The following CFAP52 variants were observed in gnomAD, a reference collection of about 807,000 sequenced individuals.
The protein encoded by CFAP52 is cilia and flagella associated protein 52.
In CFAP52, 57 loss-of-function variants were observed where a neutral mutation model predicts 70.5. The observed-to-expected ratio is 0.81, with a 90% CI of 0.65 to 1.01. The LOEUF (loss-of-function observed/expected upper bound fraction) is 1.01, where lower values mean the gene tolerates loss of function less well. Ranked by LOEUF, CFAP52 falls within the 50% of genes least tolerant of loss-of-function variation. CFAP52 has a pLI of 0.00. For synonymous variants in CFAP52, 267 were observed against 292.5 expected (o/e 0.91, Z 0.89); for missense variants, 785 against 788.5 (o/e 1.00, Z 0.05).
At position 9,585,711 on chromosome 17, in the gene CFAP52, A is replaced by G. The variant is rs140087416; in HGVS notation, c.71-62A>G. ...CACAAAGTGTTGTGTTTTGTACTCAAGTAGAAAATTCCTGGCCACTTCTGC... is the reference window on the plus strand; with the variant it reads ...CACAAAGTGTTGTGTTTTGTACTCAGGTAGAAAATTCCTGGCCACTTCTGC... On this transcript the variant is annotated intron_variant, in intron 1 of 13. Coordinates refer to ENST00000352665, the MANE Select transcript of CFAP52 (RefSeq NM_145054.5). The G allele has an allele frequency of 1.3e-3, 2,034 of 1,517,904 alleles. 28 individuals are homozygous for G. The African/African-American group carries it at 0.025, about 19-fold the overall frequency. The allele number at this position is 1,517,904 out of a possible 1,614,324, so 94.0% of individuals were successfully genotyped here. A position where few individuals can be genotyped will look rare whatever the true frequency, so the allele number is the denominator to read the frequency against.
At chr17:9,623,644 C>T (rs1910129510) in intron 8 of CFAP52, among the ~76,000 whole-genome samples, 2 of 151,808 alleles carry the variant, frequency 1.3e-5, no homozygotes, top group African/African-American at 4.9e-5. Flanking sequence ...TACCTTTCCC[C>T]TCTCTAAAGA....
chr17:9,632,638 G>A (rs961227173), intron 9 of CFAP52, among the ~76,000 whole-genome samples: 13 of 148,274 alleles, frequency 8.8e-5, no homozygotes, highest in Admixed American at 4.0e-4. Flanking sequence ...TTGGATGTTG[G>A]ATTGGGTTGG....
rs962975835 is a variant in CFAP52 at position 9,628,203 on chromosome 17, C to T, written c.1026-469C>T. ...CAGATGATTAGAGGGCATTAAATACCGTTTACACAAGATGTTTCAAATGGT... is the reference window on the plus strand; with the variant it reads ...CAGATGATTAGAGGGCATTAAATACTGTTTACACAAGATGTTTCAAATGGT... On this transcript the variant is annotated intron_variant, in intron 8 of 13. Coordinates refer to ENST00000352665, the MANE Select transcript of CFAP52 (RefSeq NM_145054.5). 3.9e-5 allele frequency among the ~76,000 whole-genome samples: 6 copies of T among 152,002 alleles called. 1 individual carries two copies. Among genetic ancestry groups the T allele is most frequent in the Admixed American group, 2.0e-4 (3 of 15,256 alleles).
At chr17:9,634,984 A>T (rs1910709434) in intron 10 of CFAP52, among the ~76,000 whole-genome samples, 1 of 152,214 alleles carries the variant, frequency 6.6e-6, no homozygotes, top group East Asian at 1.9e-4. Context: ...ATCAAAATTG[A>T]ACAGCTGATT....
At chr17:9,579,937 G>A (rs1054548077) in intron 1 of CFAP52, among the ~76,000 whole-genome samples, 11 of 152,082 alleles carry the variant, frequency 7.2e-5, no homozygotes, top group African/African-American at 2.7e-4. Flanking sequence ...ATTGCATTTT[G>A]GCAGGAATTA....
In CFAP52 at chr17:9,584,504, A is replaced by C. The variant is rs896482110; in HGVS notation, c.71-1269A>C. The C allele has an allele frequency of 1.5e-5, 7 of 462,508 alleles. No individual in the cohort carries two copies. In the East Asian group the frequency reaches 7.0e-4, roughly 46 times the overall value. 28.7% of individuals were successfully genotyped at this position (462,508 alleles called of 1,614,324 possible). A position where few individuals can be genotyped will look rare whatever the true frequency, so the allele number is the denominator to read the frequency against. ...GTGTTGATAGACATATACATTGTGAAATGATGTCTACGATCAAACTAATTA... is the reference window on the plus strand; with the variant it reads ...GTGTTGATAGACATATACATTGTGACATGATGTCTACGATCAAACTAATTA... On this transcript the variant is annotated intron_variant, in intron 1 of 13. Coordinates refer to ENST00000352665, the MANE Select transcript of CFAP52 (RefSeq NM_145054.5).
chr17:9,578,581 G>A (rs748843341), intron 1 of CFAP52, among the ~76,000 whole-genome samples: 1 of 152,128 alleles, frequency 6.6e-6, no homozygotes. Context: ...TTGAGACGGT[G>A]GAGTCTCGCT....
At chr17:9,631,770 T>C (rs1017118051) in intron 9 of CFAP52, among the ~76,000 whole-genome samples, 7 of 133,778 alleles carry the variant, frequency 5.2e-5, no homozygotes, top group Non-Finnish European at 1.6e-5. Context: ...TTTTGGAAAG[T>C]TTTTTTTTTT....
At chr17:9,640,953 G>A (rs111478468) in intron 12 of CFAP52, among the ~76,000 whole-genome samples, 3 of 152,082 alleles carry the variant, frequency 2.0e-5, no homozygotes, top group Admixed American at 6.6e-5. Context: ...TGGCCGTATC[G>A]CATTTTCTTT....
chr17:9,582,207 C>T (rs1037956838), intron 1 of CFAP52, among the ~76,000 whole-genome samples: 1 of 152,188 alleles, frequency 6.6e-6, no homozygotes, highest in South Asian at 2.1e-4. Context: ...TGTGCGCATT[C>T]AAGCATCATC....
rs980690486 is a variant in CFAP52 at position 9,596,785 on chromosome 17, G to A, written c.537-1449G>A. On this transcript the variant is annotated intron_variant, in intron 4 of 13. Transcript: ENST00000352665. Reference sequence around the variant, plus strand: ...GGCTGTAGTGCAGTGGCACGATCTCGGCTCACTGCAACCTCCACCTCCCAG... The same window carrying A: ...GGCTGTAGTGCAGTGGCACGATCTCAGCTCACTGCAACCTCCACCTCCCAG... Among the ~76,000 whole-genome samples, 7 of 150,926 alleles carry A rather than the reference G, an allele frequency of 4.6e-5. No individual in the cohort carries two copies. The South Asian group carries it at 1.1e-3, about 23-fold the overall frequency.
intron 12 of CFAP52, among the ~76,000 whole-genome samples, chr17:9,641,478 T>G (rs575271132): frequency 6.6e-6 from 1 of 152,362 alleles, no homozygotes; most frequent in African/African-American, 2.4e-5. Context: ...AAGCCCTTTC[T>G]GTCTTAATCC....
At chr17:9,584,410 AT>A (rs1908356731) in intron 1 of CFAP52, 1 of 1,260,308 alleles carries the variant, frequency 7.9e-7, no homozygotes, top group African/African-American at 1.6e-5. Context: ...TAAAAAAATT[AT>A]TTTCCTGGTT....
chr17:9,579,631 G>A (rs187351706), intron 1 of CFAP52, among the ~76,000 whole-genome samples: 289 of 152,282 alleles, frequency 1.9e-3, no homozygotes, highest in South Asian at 7.0e-3. Flanking sequence ...GCAGTGGTGC[G>A]ATCTCAGCTC....
chr17:9,639,113 T>A (rs911508030), intron 12 of CFAP52: 1 of 178,750 alleles, frequency 5.6e-6, no homozygotes. Context: ...CTCTCAGCAC[T>A]GTACTTCATC....
Position 9,585,901 on chromosome 17 carries a change from G to A in CFAP52, c.199G>A (p.Val67Ile), listed in dbSNP as rs201479202. The change falls in exon 2 of 14, where the codon GTC (valine) becomes ATC (isoleucine). Residue 67 changes from valine to isoleucine, a missense_variant. Transcript: ENST00000352665. Reference protein sequence around the residue: ...QNFLQGHGNNVSCLAISRSGE... With the variant: ...QNFLQGHGNNISCLAISRSGE... ...CTTCCTACAGGGTCATGGCAACAAC[G>A]TCTCCTGCTTGGCCATCTCCAGGTC... 2.4e-5 allele frequency: 38 copies of A among 1,613,748 alleles called. No individual in the cohort carries two copies. The East Asian group carries it at 2.9e-4, about 12-fold the overall frequency.
At chr17:9,621,809 T>A (rs1246485748) in intron 8 of CFAP52, among the ~76,000 whole-genome samples, 2 of 130,142 alleles carry the variant, frequency 1.5e-5, no homozygotes, top group Non-Finnish European at 3.2e-5. Context: ...AACAATGAGA[T>A]CACATGGACA....
chr17:9,589,113 A>G (rs1908628518), intron 3 of CFAP52, among the ~76,000 whole-genome samples: 1 of 152,192 alleles, frequency 6.6e-6, no homozygotes, highest in South Asian at 2.1e-4. Context: ...AAATAAATAA[A>G]TAAACAAACA....
chr17:9,612,604 G>A (rs564399873), intron 8 of CFAP52, 125 bp downstream of exon 8: 12 of 1,114,788 alleles, frequency 1.1e-5, no homozygotes, highest in South Asian at 3.6e-5. Context: ...TTTTTCTAAC[G>A]TGGTGAATTA....
Sources: gnomAD v4.1 joint callset for allele counts (sites outside exome capture counted in the v4.1 genomes callset) on GRCh38, gnomAD v4.1.1 for gene constraint, MANE v1.5 for transcripts, NCBI Gene and HGNC (gene_info 2026-07-23, HGNC 2026-07-21) for gene names.